The following KHDRBS2 variants were observed in gnomAD, a reference collection of about 807,000 sequenced individuals.
KHDRBS2 encodes KH domain-containing, RNA-binding, signal transduction-associated protein 2.
A neutral mutation model predicts 44.3 loss-of-function variants in KHDRBS2; 26 were observed. That is an observed-to-expected ratio of 0.59 (90% CI 0.43 to 0.81). The LOEUF is 0.81. KHDRBS2 is among the 40% of genes least tolerant of loss of function. The pLI, the probability that KHDRBS2 is intolerant of heterozygous loss-of-function variation, is 0.00. For synonymous variants in KHDRBS2, 194 were observed against 151.1 expected (o/e 1.28, Z -2.08); for missense variants, 476 against 433.1 (o/e 1.10, Z -0.88).
intron 1 of KHDRBS2, among the ~76,000 whole-genome samples, chr6:62,283,114 A>G (rs1842021951): frequency 6.6e-6 from 1 of 152,188 alleles, no homozygotes; most frequent in Admixed American, 6.5e-5. Flanking sequence ...TAACAAGTGG[A>G]TAACTAAACA....
the KHDRBS2 span, among the ~76,000 whole-genome samples, chr6:61,633,815 A>T: frequency 1.2e-4 from 3 of 25,734 alleles, no homozygotes; most frequent in African/African-American, 4.9e-4. Flanking sequence ...ATATTACTCA[A>T]GTGTTGAAAA....
chr6:61,814,218 G>T (rs1309075790), intron 6 of KHDRBS2, among the ~76,000 whole-genome samples: 1 of 152,128 alleles, frequency 6.6e-6, no homozygotes, highest in African/African-American at 2.4e-5. Context: ...AGAACTTTGA[G>T]CTGCTGCTCT....
At chr6:62,171,418 C>A (rs932093043) in intron 2 of KHDRBS2, among the ~76,000 whole-genome samples, 1 of 152,012 alleles carries the variant, frequency 6.6e-6, no homozygotes, top group South Asian at 2.1e-4. Context: ...AACAAAACCT[C>A]TTATAATATG....
At chr6:61,962,387 T>C (rs1404682150) in intron 4 of KHDRBS2, among the ~76,000 whole-genome samples, 1 of 152,052 alleles carries the variant, frequency 6.6e-6, no homozygotes, top group Non-Finnish European at 1.5e-5. Context: ...ACGAACAAAA[T>C]AGTATGTGTG....
At chr6:62,182,700 TAG>T (rs1283268424) in intron 1 of KHDRBS2, among the ~76,000 whole-genome samples, 1 of 151,900 alleles carries the variant, frequency 6.6e-6, no homozygotes, top group Non-Finnish European at 1.5e-5. Context: ...TAAAGGATTA[TAG>T]AAAATAGGAG....
intron 6 of KHDRBS2, among the ~76,000 whole-genome samples, chr6:61,847,283 T>C (rs887698792): frequency 5.3e-5 from 8 of 152,174 alleles, no homozygotes; most frequent in Non-Finnish European, 1.2e-4. Context: ...CTTATATTTG[T>C]AAATACTTTA....
At chr6:62,054,820 G>C (rs772767370) in intron 2 of KHDRBS2, among the ~76,000 whole-genome samples, 1 of 151,960 alleles carries the variant, frequency 6.6e-6, no homozygotes, top group Non-Finnish European at 1.5e-5. Flanking sequence ...CTCCACAACT[G>C]TAAAATAATG....
chr6:62,035,249 C>T (rs753775801), intron 3 of KHDRBS2, among the ~76,000 whole-genome samples: 4 of 151,902 alleles, frequency 2.6e-5, no homozygotes, highest in South Asian at 4.1e-4. Flanking sequence ...TATGTGTCCA[C>T]CACCAGAGGA....
At chr6:61,668,398 C>T in the KHDRBS2 span, among the ~76,000 whole-genome samples, 1 of 150,944 alleles carries the variant, frequency 6.6e-6, no homozygotes, top group African/African-American at 2.4e-5. Context: ...TGGACACAGA[C>T]ATTTTCCAAA....
chr6:62,060,761 C>T (rs532613446), intron 2 of KHDRBS2, among the ~76,000 whole-genome samples: 2 of 151,818 alleles, frequency 1.3e-5, no homozygotes, highest in Admixed American at 1.3e-4. Context: ...GAAGAAAACA[C>T]TTGAATTTGA....
rs139554335 is a variant in KHDRBS2 at position 61,884,648 on chromosome 6, G to A, written c.810+9987C>T. 1.1e-3 allele frequency among the ~76,000 whole-genome samples: 169 copies of A among 149,008 alleles called. 1 individual carries two copies. The highest frequency in any genetic ancestry group is 2.0e-3 in the Non-Finnish European group (136 of 67,322). ...AATGTTCTGACAGACACTTCCAGAA[G>A]CTGTGTGCCTTTACCTGCACATAAC... is the stretch of plus-strand genomic sequence containing the variant. On this transcript the variant is annotated intron_variant, in intron 6 of 8. Coordinates refer to ENST00000281156, the MANE Select transcript of KHDRBS2 (RefSeq NM_152688.4).
intron 3 of KHDRBS2, among the ~76,000 whole-genome samples, chr6:62,034,289 C>A (rs1472840229): frequency 1.3e-5 from 2 of 151,798 alleles, no homozygotes; most frequent in Admixed American, 1.3e-4. Context: ...AGTATTCCAA[C>A]AAACAGAGGA....
chr6:62,083,287 C>T (rs1455946259), intron 2 of KHDRBS2, among the ~76,000 whole-genome samples: 1 of 152,122 alleles, frequency 6.6e-6, no homozygotes, highest in Admixed American at 6.5e-5. Context: ...GAGAAGAGTT[C>T]AGCCAGGGAC....
At chr6:62,058,780 C>G (rs774179040) in intron 2 of KHDRBS2, among the ~76,000 whole-genome samples, 1 of 151,546 alleles carries the variant, frequency 6.6e-6, no homozygotes. Context: ...CCAAAGAAAA[C>G]CAATCCCAGT....
At chr6:61,949,912 C>T (rs1386522296) in intron 4 of KHDRBS2, among the ~76,000 whole-genome samples, 1 of 152,012 alleles carries the variant, frequency 6.6e-6, no homozygotes, top group Non-Finnish European at 1.5e-5. Context: ...TATTAGCTAT[C>T]ACTAGTTCAA....
rs1040922528 is a variant in KHDRBS2, at chr6:62,286,182, C to G, written c.-234G>C. On this transcript the variant is annotated 5_prime_UTR_variant, in exon 1 of 9. Coordinates refer to ENST00000281156, the MANE Select transcript of KHDRBS2 (RefSeq NM_152688.4). ...CGTCGTCCCTCGCTCGCGCAGAGCC[C>G]CGGCTCACACCAGCGGCCTTAACTG... 7.5e-6 allele frequency: 4 copies of G among 533,172 alleles called. No homozygotes were observed. The highest frequency in any genetic ancestry group is 3.8e-5 in the Admixed American group (1 of 26,288). The allele number at this position is 533,172 out of a possible 1,614,324, so 33.0% of individuals were successfully genotyped here.
At chr6:62,098,837 T>C (rs1422750601) in intron 2 of KHDRBS2, among the ~76,000 whole-genome samples, 4 of 152,206 alleles carry the variant, frequency 2.6e-5, no homozygotes, top group African/African-American at 9.6e-5. Flanking sequence ...TCCTTTATAT[T>C]ATTTTTTCCC....
At chr6:62,081,272 T>C (rs192073218) in intron 2 of KHDRBS2, among the ~76,000 whole-genome samples, 2 of 152,076 alleles carry the variant, frequency 1.3e-5, no homozygotes, top group Admixed American at 1.3e-4. Flanking sequence ...AATAATGAAG[T>C]TTCTTGGGGT....
At chr6:61,615,233 CAAAAAAAAAA>C in the KHDRBS2 span, among the ~76,000 whole-genome samples, 2 of 58,594 alleles carry the variant, frequency 3.4e-5, no homozygotes, top group Admixed American at 2.6e-4. Flanking sequence ...ACTCCATCTC[CAAAAAAAAAA>C]AAAAAAAAGA....
Sources: allele counts gnomAD v4.1 joint callset (sites outside exome capture counted in the v4.1 genomes callset), GRCh38; gene constraint gnomAD v4.1.1; transcripts MANE v1.5; gene names NCBI Gene and HGNC (gene_info 2026-07-23, HGNC 2026-07-21).